USP12: variants seen among roughly 807,000 people sequenced by gnomAD.
USP12 encodes the protein ubiquitin carboxyl-terminal hydrolase 12.
A neutral mutation model predicts 45.5 loss-of-function variants in USP12; 19 were observed. That is an observed-to-expected ratio of 0.42 (90% confidence interval 0.29 to 0.61). The LOEUF is 0.61. Among genes scored for constraint, USP12 ranks in the 20% least tolerant of loss-of-function variants. The pLI, the probability that USP12 is intolerant of heterozygous loss-of-function variation, is 0.22. For synonymous variants in USP12, 149 were observed against 148.8 expected (o/e 1.00, Z -0.01); for missense variants, 242 against 447.7 (o/e 0.54, Z 4.15).
chr13:27,152,280 G>A (rs1447616964), intron 1 of USP12, among the ~76,000 whole-genome samples: 1 of 152,130 alleles, frequency 6.6e-6, no homozygotes, highest in African/African-American at 2.4e-5. Flanking sequence ...TCCACACAAT[G>A]GAACAATATT....
chr13:27,152,149 C>A (rs1182149090), intron 1 of USP12, among the ~76,000 whole-genome samples: 1 of 152,110 alleles, frequency 6.6e-6, no homozygotes, highest in African/African-American at 2.4e-5. Context: ...CATGAGAAAA[C>A]AAAACATATG....
chr13:27,127,182 A>T (rs1165302770), intron 1 of USP12, among the ~76,000 whole-genome samples: 2 of 152,258 alleles, frequency 1.3e-5, no homozygotes, highest in Admixed American at 6.5e-5. Flanking sequence ...GAAATCTCAT[A>T]GTTTTTAACT....
At chr13:27,119,314 G>GGT (rs1227706166) in intron 1 of USP12, among the ~76,000 whole-genome samples, 2 of 152,114 alleles carry the variant, frequency 1.3e-5, no homozygotes, top group Non-Finnish European at 2.9e-5. Flanking sequence ...GGCCCCCAGA[G>GGT]GTATCATCAC....
At chr13:27,074,779 A>G (rs781104331) in intron 7 of USP12, among the ~76,000 whole-genome samples, 5 of 152,248 alleles carry the variant, frequency 3.3e-5, no homozygotes, top group Non-Finnish European at 7.3e-5. Flanking sequence ...GGTAAAATCA[A>G]AAAATGAATC....
At chr13:27,165,089 T>C (rs1239907191) in intron 1 of USP12, among the ~76,000 whole-genome samples, 1 of 151,410 alleles carries the variant, frequency 6.6e-6, no homozygotes, top group Non-Finnish European at 1.5e-5. Flanking sequence ...TAAGGTAAGA[T>C]AGATTTTTCT....
intron 2 of USP12, among the ~76,000 whole-genome samples, chr13:27,110,957 T>C (rs1455510824): frequency 6.6e-6 from 1 of 152,080 alleles, no homozygotes; most frequent in African/African-American, 2.4e-5. Flanking sequence ...ATAATGAGGA[T>C]TGACCTATCT....
chr13:27,092,940 T>C (rs1461248454), intron 4 of USP12, among the ~76,000 whole-genome samples: 2 of 152,226 alleles, frequency 1.3e-5, no homozygotes, highest in East Asian at 3.8e-4. Flanking sequence ...CTCACGCCTG[T>C]AATTCCAGCA....
chr13:27,102,366 A>G (rs9553964), intron 3 of USP12, among the ~76,000 whole-genome samples: 10,709 of 151,956 alleles, frequency 0.07, 1,537 homozygotes, highest in East Asian at 0.53. Context: ...TCCTGCCTCT[A>G]CTCTCATGCT....
At chr13:27,167,093 C>A (rs536237793) in intron 1 of USP12, among the ~76,000 whole-genome samples, 248 of 152,072 alleles carry the variant, frequency 1.6e-3, no homozygotes, top group Non-Finnish European at 3.0e-3. Context: ...GAAACCCCAT[C>A]TCTACTAAAA....
At chr13:27,169,699 T>G (rs1428652690) in intron 1 of USP12, among the ~76,000 whole-genome samples, 2 of 152,192 alleles carry the variant, frequency 1.3e-5, no homozygotes, top group Admixed American at 6.5e-5. Context: ...TGTGTGACCC[T>G]GGCAAATCCC....
chr13:27,124,507 A>G (rs1876137222), intron 1 of USP12, among the ~76,000 whole-genome samples: 1 of 152,250 alleles, frequency 6.6e-6, no homozygotes, highest in African/African-American at 2.4e-5. Flanking sequence ...AAATAAAGAG[A>G]AAATTCAATA....
intron 1 of USP12, chr13:27,117,784 G>A (rs200455604): frequency 3.5e-5 from 18 of 518,182 alleles, no homozygotes; most frequent in African/African-American, 1.5e-4. Context: ...CAATCATAGC[G>A]TGTCACAGTT....
chr13:27,083,344 T>A (rs1873851305), intron 6 of USP12, among the ~76,000 whole-genome samples: 1 of 151,974 alleles, frequency 6.6e-6, no homozygotes. Context: ...CAACAGAGGG[T>A]TGCCACAAAC....
At chr13:27,089,743 T>C in intron 6 of USP12, 140 bp downstream of exon 6, 1 of 746,470 alleles carries the variant, frequency 1.3e-6, no homozygotes, top group Non-Finnish European at 2.2e-6. Context: ...CTAGTAATAC[T>C]TAATGAACAT....
chr13:27,152,148 A>G (rs1364864645), intron 1 of USP12, among the ~76,000 whole-genome samples: 1 of 152,226 alleles, frequency 6.6e-6, no homozygotes, highest in Admixed American at 6.5e-5. Flanking sequence ...ACATGAGAAA[A>G]CAAAACATAT....
At chr13:27,091,677 A>C (rs1874321175) in intron 4 of USP12, among the ~76,000 whole-genome samples, 1 of 152,150 alleles carries the variant, frequency 6.6e-6, no homozygotes, top group Non-Finnish European at 1.5e-5. Context: ...AATAAAATGG[A>C]ACATGATCAT....
intron 1 of USP12, among the ~76,000 whole-genome samples, chr13:27,157,658 T>C (rs1877902704): frequency 6.6e-6 from 1 of 152,034 alleles, no homozygotes; most frequent in South Asian, 2.1e-4. Context: ...CACTTAACCT[T>C]ATTTCTCTCT....
At chr13:27,158,466 A>C (rs1215239690) in intron 1 of USP12, among the ~76,000 whole-genome samples, 1 of 152,156 alleles carries the variant, frequency 6.6e-6, no homozygotes, top group Non-Finnish European at 1.5e-5. Flanking sequence ...ATTGACTGTT[A>C]AGCAATTTCA....
intron 8 of USP12, among the ~76,000 whole-genome samples, chr13:27,070,227 A>G (rs918250675): frequency 6.6e-6 from 1 of 152,200 alleles, no homozygotes; most frequent in Admixed American, 6.5e-5. Context: ...ATGTGAGTCC[A>G]TTTATATTCA....
Sources: gnomAD v4.1 joint callset for allele counts (sites outside exome capture counted in the v4.1 genomes callset) on GRCh38, gnomAD v4.1.1 for gene constraint, MANE v1.5 for transcripts, NCBI Gene and HGNC (gene_info 2026-07-23, HGNC 2026-07-21) for gene names.